GSK3A: variants seen among roughly 807,000 people sequenced by gnomAD.
The protein encoded by GSK3A is glycogen synthase kinase 3 alpha.
In GSK3A, 14 loss-of-function variants were observed where a neutral mutation model predicts 56.6. The observed-to-expected ratio is 0.25, with a 90% CI of 0.16 to 0.39. The LOEUF is 0.39. GSK3A is among the 10% of genes least tolerant of loss of function. GSK3A has a pLI of 1.00. For synonymous variants in GSK3A, 301 were observed against 285.0 expected (o/e 1.06, Z -0.56); for missense variants, 450 against 656.0 (o/e 0.69, Z 3.43).
rs1189739306 is a variant in GSK3A, at chr19:42,242,254, C to A, written c.212G>T (p.Gly71Val). ...GCCTCCGCTGCCTCCTCCGCCGCTG[C>A]CGCCGGGTCCACCCCCGGAGCTCGA... ...GASSSGGGPG[G>V]SGGGGSGGPG... The change falls in exon 1 of 11, where the codon GGC becomes GTC. Residue 71 changes from glycine (G) to valine (V), a missense_variant. Transcript: ENST00000222330. The A allele has an allele frequency of 7.0e-7, 1 of 1,434,194 alleles. No homozygotes were observed. Among genetic ancestry groups the A allele is most frequent in the South Asian group, 1.4e-5 (1 of 72,332 alleles). 88.8% of individuals were successfully genotyped at this position (1,434,194 alleles called of 1,614,324 possible).
In GSK3A at chr19:42,233,295, C is replaced by T. The variant is rs1213117585; in HGVS notation, c.993G>A (p.Glu331=). The change falls in exon 7 of 11, where the codon GAG becomes GAA. Residue 331 remains glutamate, a synonymous_variant. Transcript: ENST00000222330. ...PGDSGVDQLV[E]IIKVLGTPTR... The stretch of plus-strand genomic sequence containing the variant: ...CAGCCCCGCCCCTCACCTTGATGAT[C>T]TCCACCAGCTGGTCCACCCCACTGT... 2.6e-5 allele frequency: 29 copies of T among 1,096,196 alleles called. No individual in the cohort carries two copies. Among genetic ancestry groups the T allele is most frequent in the Middle Eastern group, 5.1e-4 (2 of 3,950 alleles). The allele number at this position is 1,096,196 out of a possible 1,614,324, so 67.9% of individuals were successfully genotyped here. A position where few individuals can be genotyped will look rare whatever the true frequency, so the allele number is the denominator to read the frequency against.
At chr19:42,239,314 C>T (rs1464903273) in intron 2 of GSK3A, among the ~76,000 whole-genome samples, 2 of 152,212 alleles carry the variant, frequency 1.3e-5, no homozygotes, top group Non-Finnish European at 2.9e-5. Context: ...GGTTCCTTTC[C>T]AGTCTAGGCT....
In GSK3A at chr19:42,234,530, A is replaced by C; in HGVS notation, c.797+18T>G. On this transcript the variant is annotated intron_variant, in intron 5 of 10. Transcript: ENST00000222330. The surrounding 1 kb of genome is among the most constrained non-coding windows in gnomAD (Gnocchi z 5.7). ...GTCCCCCCTGCCTCTTCAGCCACCCAACATGCCCCAGGCCCACCTGCCAAA... is the reference window on the plus strand; with the variant it reads ...GTCCCCCCTGCCTCTTCAGCCACCCCACATGCCCCAGGCCCACCTGCCAAA... 1 of 1,612,686 alleles carries C rather than the reference A, an allele frequency of 6.2e-7. No individual in the cohort carries two copies. Among genetic ancestry groups the C allele is most frequent in the Non-Finnish European group, 8.5e-7 (1 of 1,178,782 alleles).
At chr19:42,233,059 A>T (rs1324440327) in intron 8 of GSK3A, 51 bp downstream of exon 8, 1 of 1,227,264 alleles carries the variant, frequency 8.1e-7, no homozygotes, top group East Asian at 2.4e-5. Flanking sequence ...TTGACCTCCA[A>T]GGGGGACCAG....
chr19:42,236,814 G>A (rs777322920), intron 3 of GSK3A, 44 bp downstream of exon 3: 1 of 1,529,124 alleles, frequency 6.5e-7, no homozygotes, highest in Non-Finnish European at 9.1e-7. Context: ...AGGCAGGCAG[G>A]AAAATGGCTG....
In GSK3A at chr19:42,236,690, C is replaced by G; in HGVS notation, c.582G>C (p.Val194=). 6.2e-7 allele frequency: 1 copy of G among 1,613,924 alleles called. No homozygotes were observed. Among genetic ancestry groups the G allele is most frequent in the Non-Finnish European group, 8.5e-7 (1 of 1,179,872 alleles). Reference sequence around the variant, plus strand: ...ACACTGTCTCGGGCACATATTCCAGCACCAGATTTAGGTAAAGCTCGTCTT... The same window carrying G: ...ACACTGTCTCGGGCACATATTCCAGGACCAGATTTAGGTAAAGCTCGTCTT... ...EKKDELYLNL[V]LEYVPETVYR... is the part of the protein sequence containing the mutation. The change falls in exon 4 of 11, where the codon GTG becomes GTC. Residue 194 remains valine (V), a synonymous_variant. Transcript: ENST00000222330.
chr19:42,238,545 T>C (rs2036272344), intron 2 of GSK3A, among the ~76,000 whole-genome samples: 1 of 141,734 alleles, frequency 7.1e-6, no homozygotes, highest in South Asian at 2.2e-4. Context: ...AGGCGGAGGT[T>C]GCAGTGACCC....
chr19:42,241,216 G>C (rs571568051), intron 1 of GSK3A: 2 of 151,960 alleles, frequency 1.3e-5, no homozygotes, highest in East Asian at 1.9e-4. Context: ...GGCTGGTCTC[G>C]AACTCCTGAC....
chr19:42,238,923 C>G (rs543943479), intron 2 of GSK3A, among the ~76,000 whole-genome samples: 14 of 151,994 alleles, frequency 9.2e-5, no homozygotes, highest in Admixed American at 5.9e-4. Flanking sequence ...GGGCCAAGAT[C>G]GTGCCACTGC....
In GSK3A at chr19:42,233,323, C is replaced by A; in HGVS notation, c.965G>T (p.Gly322Val). 1 of 1,593,076 alleles carries A rather than the reference C, an allele frequency of 6.3e-7. No individual in the cohort carries two copies. The stretch of plus-strand genomic sequence containing the variant: ...CACCAGCTGGTCCACCCCACTGTCC[C>A]CAGGGAAGATGGGCTGGCCCAAGAG... ...ELLLGQPIFP[G>V]DSGVDQLVEI... The change falls in exon 7 of 11, where the codon GGG becomes GTG. Residue 322 changes from glycine to valine, a missense_variant. By Grantham distance (109) the Gly-to-Val change is moderately radical (BLOSUM62 -3). This residue lies in a region of GSK3A where 144 missense variants were observed against 308.0 expected (regional missense o/e 0.47). Transcript: ENST00000222330.
chr19:42,230,834 T>C lies in GSK3A; in HGVS notation c.1412A>G (p.Gln471Arg). The C allele has an allele frequency of 6.4e-7, 1 of 1,563,408 alleles. No individual in the cohort carries two copies. Among genetic ancestry groups the C allele is most frequent in the Non-Finnish European group, 8.7e-7 (1 of 1,153,546 alleles). Residue 471 changes from glutamine to arginine, a missense_variant, in exon 11 of 11, where the codon CAG (glutamine) becomes CGG (arginine). Transcript: ENST00000222330. ...LTETPTSSDWQSTDATPTLTN... is the reference protein window; with the variant it reads ...LTETPTSSDWRSTDATPTLTN... ...GAGGGTAGGTGTGGCATCGGTCGACTGCCAGTCTGAGCTGGTCGGAGTCTC... is the reference window on the plus strand; with the variant it reads ...GAGGGTAGGTGTGGCATCGGTCGACCGCCAGTCTGAGCTGGTCGGAGTCTC...
chr19:42,237,835 C>T (rs1185064912), intron 2 of GSK3A, among the ~76,000 whole-genome samples: 2 of 151,352 alleles, frequency 1.3e-5, no homozygotes, highest in Non-Finnish European at 2.9e-5. Flanking sequence ...GCTGAGATCG[C>T]GCCACTGCAC....
chr19:42,240,207 G>A, intron 1 of GSK3A, 65 bp from the exon 2 acceptor site: 5 of 1,435,550 alleles, frequency 3.5e-6, no homozygotes, highest in Non-Finnish European at 4.9e-6. Context: ...CTATCCTGGG[G>A]CTGTGGGAGG....
Position 42,236,653 on chromosome 19 carries a change from G to A in GSK3A, c.619C>T (p.Arg207Cys), listed in dbSNP as rs762941632. The A allele has an allele frequency of 5.6e-6, 9 of 1,613,824 alleles. No homozygotes were observed. The highest frequency in any genetic ancestry group is 3.3e-5 in the Admixed American group (2 of 60,002). The change falls in exon 4 of 11, where the codon CGC (arginine) becomes TGC (cysteine). Residue 207 changes from arginine to cysteine, a missense_variant. Transcript: ENST00000222330. ...YVPETVYRVA[R>C]HFTKAKLTIP... is the part of the protein sequence containing the mutation. ...GTCAACTTGGCCTTGGTGAAGTGGC[G>A]GGCCACCCGGTACACTGTCTCGGGC...
At chr19:42,239,467 C>A (rs546773927) in intron 2 of GSK3A, among the ~76,000 whole-genome samples, 2 of 152,328 alleles carry the variant, frequency 1.3e-5, no homozygotes, top group East Asian at 1.9e-4. Context: ...CCATTCTGCG[C>A]TGGCCAAACA....
chr19:42,230,996 G>A (rs2036220334), intron 10 of GSK3A, 129 bp from the exon 11 acceptor site: 2 of 721,290 alleles, frequency 2.8e-6, no homozygotes, highest in Admixed American at 4.1e-5. Flanking sequence ...TTTAGGTGAA[G>A]GGTTGCAAAC....
At chr19:42,239,713 ATCTT>A (rs1450655214) in intron 2 of GSK3A, among the ~76,000 whole-genome samples, 1 of 152,202 alleles carries the variant, frequency 6.6e-6, no homozygotes, top group Admixed American at 6.5e-5. Context: ...CCCTCAGAGA[ATCTT>A]TATGTAAATT....
At chr19:42,236,755 AGAGT>A (rs758338243) in intron 3 of GSK3A, 39 bp from the exon 4 acceptor site, 5 of 1,536,708 alleles carry the variant, frequency 3.3e-6, no homozygotes, top group Non-Finnish European at 4.5e-6. Context: ...CACTGTGAGA[AGAGT>A]GAGGAGGGGG....
chr19:42,238,606 C>CAAA (rs769150560), intron 2 of GSK3A, among the ~76,000 whole-genome samples: 17 of 33,144 alleles, frequency 5.1e-4, no homozygotes, highest in African/African-American at 1.7e-3. Flanking sequence ...GACTCCGTCT[C>CAAA]AAAAAAAAAA....
Sources: gnomAD v4.1 joint callset for allele counts (sites outside exome capture counted in the v4.1 genomes callset) on GRCh38, gnomAD v4.1.1 for gene constraint, gnomAD v4.1.1 regional missense constraint, Gnocchi (gnomAD v3.1) non-coding constraint, MANE v1.5 for transcripts, NCBI Gene and HGNC (gene_info 2026-07-23, HGNC 2026-07-21) for gene names.